FAM83E: variants seen among roughly 807,000 people sequenced by gnomAD.
The protein encoded by FAM83E is scaffolding CK1 anchoring protein E.
A neutral mutation model predicts 34.3 loss-of-function variants in FAM83E; 29 were observed. The ratio of observed to expected loss-of-function variants is 0.85; its 90% confidence interval spans 0.63 to 1.15. FAM83E has a LOEUF of 1.15. Among genes scored for constraint, FAM83E ranks in the 50% most tolerant of loss-of-function variants. The pLI, the probability that FAM83E is intolerant of heterozygous loss-of-function variation, is 0.00. For missense variants in FAM83E, 697 were observed against 685.0 expected (o/e 1.02, Z -0.20); for synonymous variants, 312 against 311.6 (o/e 1.00, Z -0.01).
chr19:48,603,821 C>G lies in FAM83E; in HGVS notation c.849G>C (p.Thr283=). ...IVDAFSLEFR[T]LYAASCPLPP... is the part of the protein sequence containing the mutation. ...GGAGCGGGCAGGAGGCCGCGTACAG[C>G]GTCCGGAACTCAAGGCTGAAGGCGT... Residue 283 remains threonine (T), a synonymous_variant, in exon 6 of 7, where the codon ACG becomes ACC. Transcript: ENST00000263266. The G allele has an allele frequency of 6.2e-7, 1 of 1,605,666 alleles. No individual in the cohort carries two copies. Among genetic ancestry groups the G allele is most frequent in the Non-Finnish European group, 8.5e-7 (1 of 1,176,446 alleles).
In FAM83E at chr19:48,614,989, CG is replaced by C; in HGVS notation, c.-1441del. ...CTCTAGACTCAGGCTTCCCGGTCCC[CG>C]GGGGGTTGAGATTGCCTCACCTGTT... is the stretch of plus-strand genomic sequence containing the variant. On this transcript the variant is annotated 5_prime_UTR_variant, in exon 1 of 7. Coordinates refer to ENST00000263266, the MANE Select transcript of FAM83E (RefSeq NM_017708.4). The C allele has an allele frequency of 1.9e-5, 4 of 205,286 alleles. No individual in the cohort carries two copies. The highest frequency in any genetic ancestry group is 3.6e-5 in the Non-Finnish European group (4 of 109,720). The allele number at this position is 205,286 out of a possible 1,614,324, so 12.7% of individuals were successfully genotyped here.
intron 6 of FAM83E, among the ~76,000 whole-genome samples, chr19:48,602,824 GTTTA>G (rs1454628170): frequency 1.7e-5 from 1 of 58,550 alleles, no homozygotes; most frequent in Non-Finnish European, 3.4e-5. Flanking sequence ...TTTATTTATT[GTTTA>G]TTATTATTAT....
intron 5 of FAM83E, among the ~76,000 whole-genome samples, chr19:48,609,269 T>TC (rs1186410801): frequency 1.4e-5 from 2 of 143,010 alleles, no homozygotes; most frequent in African/African-American, 5.3e-5. Context: ...TTCTTTCTTT[T>TC]TTTTTTTTTT....
chr19:48,603,670 G>T lies in FAM83E; in HGVS notation c.1000C>A (p.His334Asn), dbSNP rs566742854. The change falls in exon 6 of 7, where the codon CAC becomes AAC. Residue 334 changes from histidine to asparagine, a missense_variant. By Grantham distance (68) the His-to-Asn change is moderately conservative. Coordinates refer to ENST00000263266, the MANE Select transcript of FAM83E (RefSeq NM_017708.4). Reference protein sequence around the residue: ...SPPPPDGPLAHRLAACRVSPA... With the variant: ...SPPPPDGPLANRLAACRVSPA... ...GAGACGCGGCAGGCGGCCAGGCGGT[G>T]GGCCAGCGGGCCGTCAGGCGGCGGA... The T allele has an allele frequency of 9.3e-6, 12 of 1,294,658 alleles. No individual in the cohort carries two copies. The African/African-American group carries it at 1.5e-4, about 17-fold the overall frequency. 80.2% of individuals were successfully genotyped at this position (1,294,658 alleles called of 1,614,324 possible).
In FAM83E at chr19:48,613,491, C is replaced by T. The variant is rs905447473; in HGVS notation, c.-119G>A. 1.1e-5 allele frequency: 16 copies of T among 1,429,780 alleles called. No homozygotes were observed. The highest frequency in any genetic ancestry group is 4.3e-5 in the African/African-American group (3 of 69,648). The allele number at this position is 1,429,780 out of a possible 1,614,324, so 88.6% of individuals were successfully genotyped here. ...GATAGGCAGACCCTACGTGGCCATC[C>T]GAGGCCTCCGGCGGGGCCCTGCAGA... On this transcript the variant is annotated 5_prime_UTR_variant, in exon 3 of 7. Coordinates refer to ENST00000263266, the MANE Select transcript of FAM83E (RefSeq NM_017708.4).
At position 48,600,622 on chromosome 19, in the gene FAM83E, C is replaced by T. The variant is rs188288272; in HGVS notation, c.*487G>A. Reference sequence around the variant, plus strand: ...GTGCTGGGATTACAGGAGTGAGCCACCTCGATCAGCCTTTCTTTTTCTTTT... The same window carrying T: ...GTGCTGGGATTACAGGAGTGAGCCATCTCGATCAGCCTTTCTTTTTCTTTT... On this transcript the variant is annotated 3_prime_UTR_variant, in exon 7 of 7. Transcript: ENST00000263266. 2.6e-5 allele frequency among the ~76,000 whole-genome samples: 4 copies of T among 151,646 alleles called. No homozygotes were observed. Among genetic ancestry groups the T allele is most frequent in the African/African-American group, 9.7e-5 (4 of 41,332 alleles).
At chr19:48,607,444 C>A (rs764831492) in intron 5 of FAM83E, 27 of 1,452,922 alleles carry the variant, frequency 1.9e-5, no homozygotes, top group Non-Finnish European at 2.4e-5. Context: ...GCCAGAGAGG[C>A]CCTGGACAAC....
intron 5 of FAM83E, chr19:48,606,776 C>T: frequency 3.2e-6 from 2 of 619,506 alleles, no homozygotes; most frequent in South Asian, 4.2e-5. Flanking sequence ...GCAGCAGCCA[C>T]CCGCTCACCT....
At position 48,603,580 on chromosome 19, in the gene FAM83E, TG is replaced by T; in HGVS notation, c.1089del (p.Ser364AlafsTer14). Reference sequence around the variant, plus strand: ...CGGCTGGGCCGGGCCGGGGGGCCGCTGGGGGTCCGGGCGCGCTGCACACTCC... The same window carrying T: ...CGGCTGGGCCGGGCCGGGGGGCCGCTGGGGTCCGGGCGCGCTGCACACTCC... ...ILRSVQRART[P>X]SGPPARPSRS... On this transcript the variant is annotated frameshift_variant, in exon 6 of 7. Transcript: ENST00000263266. LOFTEE classifies it high-confidence loss of function. 6.4e-7 allele frequency: 1 copy of T among 1,551,998 alleles called. No homozygotes were observed. The highest frequency in any genetic ancestry group is 8.6e-7 in the Non-Finnish European group (1 of 1,158,290).
rs1011490033 is a variant in FAM83E at position 48,601,471 on chromosome 19, A to G, written c.1177-102T>C. The stretch of plus-strand genomic sequence containing the variant: ...GAGGTGAGGCAAGAGAGAAGCAGCG[A>G]AAGTGACAGACGGCCAGGCACGGTG... On this transcript the variant is annotated intron_variant, in intron 6 of 6. Coordinates refer to ENST00000263266, the MANE Select transcript of FAM83E (RefSeq NM_017708.4). 6 of 1,488,380 alleles carry G rather than the reference A, an allele frequency of 4.0e-6. No individual in the cohort carries two copies. The East Asian group carries it at 1.2e-4, about 31-fold the overall frequency. 92.2% of individuals were successfully genotyped at this position (1,488,380 alleles called of 1,614,324 possible).
At chr19:48,606,862 A>T (rs888481064) in intron 5 of FAM83E, 1 of 1,329,788 alleles carries the variant, frequency 7.5e-7, no homozygotes, top group African/African-American at 1.5e-5. Flanking sequence ...GGAGGCCAGG[A>T]CCAGGGCCAA....
intron 5 of FAM83E, among the ~76,000 whole-genome samples, chr19:48,606,420 C>G (rs1310970862): frequency 6.6e-6 from 1 of 151,558 alleles, no homozygotes; most frequent in Admixed American, 6.6e-5. Context: ...ATGAACCTGG[C>G]TCTCATCCTG....
Position 48,601,379 on chromosome 19 carries a change from G to C in FAM83E, c.1177-10C>G. On this transcript the variant is annotated splice_polypyrimidine_tract_variant and intron_variant, in intron 6 of 6. Coordinates refer to ENST00000263266, the MANE Select transcript of FAM83E (RefSeq NM_017708.4). ...CCCAGGATTTCTTGAGCTGTGGAGGGAAAGAGAGGGAGGTGAGAGGAGGCT... is the reference window on the plus strand; with the variant it reads ...CCCAGGATTTCTTGAGCTGTGGAGGCAAAGAGAGGGAGGTGAGAGGAGGCT... 1.5e-5 allele frequency: 23 copies of C among 1,558,966 alleles called. No homozygotes were observed. The highest frequency in any genetic ancestry group is 1.9e-5 in the Admixed American group (1 of 51,658).
chr19:48,603,435 T>C (rs938301086), intron 6 of FAM83E, 59 bp downstream of exon 6: 6 of 1,443,140 alleles, frequency 4.2e-6, no homozygotes, highest in Non-Finnish European at 4.5e-6. Context: ...TGCACCACCC[T>C]GGGCAAACGC....
Position 48,609,971 on chromosome 19 carries a change from G to GC in FAM83E, c.662dup (p.Cys221TrpfsTer38). ...GCCGTCGCCAGCGGCTCTGGAAGCT[G>GC]CAGCCCCGCACGACACGGACATCCA... On this transcript the variant is annotated frameshift_variant, in exon 5 of 7. Coordinates refer to ENST00000263266, the MANE Select transcript of FAM83E (RefSeq NM_017708.4). LOFTEE classifies it high-confidence loss of function. 1 of 1,612,808 alleles carries GC rather than the reference G, an allele frequency of 6.2e-7. No homozygotes were observed. The highest frequency in any genetic ancestry group is 1.1e-5 in the South Asian group (1 of 91,072).
At position 48,601,050 on chromosome 19, in the gene FAM83E, C is replaced by A; in HGVS notation, c.*59G>T. On this transcript the variant is annotated 3_prime_UTR_variant, in exon 7 of 7. Coordinates refer to ENST00000263266, the MANE Select transcript of FAM83E (RefSeq NM_017708.4). ...GGGCATTGAGGCAGAGGGCTCTGAG[C>A]CGACAGTTGTCCGGCACTGCTCCTT... 1.3e-6 allele frequency: 2 copies of A among 1,545,868 alleles called. No homozygotes were observed. Among genetic ancestry groups the A allele is most frequent in the Non-Finnish European group, 1.7e-6 (2 of 1,148,104 alleles).
chr19:48,612,976 G>T lies in FAM83E; in HGVS notation c.397C>A (p.Gln133Lys). The T allele has an allele frequency of 6.2e-7, 1 of 1,602,076 alleles. No homozygotes were observed. The highest frequency in any genetic ancestry group is 1.1e-5 in the South Asian group (1 of 89,280). The change falls in exon 3 of 7, where the codon CAG becomes AAG. Residue 133 changes from glutamine to lysine, a missense_variant. Physicochemically the swap from Gln to Lys is moderately conservative, Grantham distance 53. Transcript: ENST00000263266. ...GGCGGCTGACCCTCTCCAGGAGGCTGGGTGTACAGCTGCGCCCGGGTGATG... is the reference window on the plus strand; with the variant it reads ...GGCGGCTGACCCTCTCCAGGAGGCTTGGTGTACAGCTGCGCCCGGGTGATG... ...KGITRAQLYT[Q>K]PPGEGQPPLK...
At chr19:48,605,078 C>T (rs572154146) in intron 5 of FAM83E, among the ~76,000 whole-genome samples, 10 of 151,526 alleles carry the variant, frequency 6.6e-5, no homozygotes, top group African/African-American at 2.4e-4. Flanking sequence ...TAAACCCAGG[C>T]TCTGCCTGGT....
At chr19:48,610,313 C>A (rs1464476358) in intron 4 of FAM83E, among the ~76,000 whole-genome samples, 1 of 137,880 alleles carries the variant, frequency 7.3e-6, no homozygotes, top group Non-Finnish European at 1.5e-5. Context: ...GCAGGAGAAT[C>A]GTTTGAACCC....
Sources: allele counts gnomAD v4.1 joint callset (sites outside exome capture counted in the v4.1 genomes callset), GRCh38; gene constraint gnomAD v4.1.1; transcripts MANE v1.5; gene names NCBI Gene and HGNC (gene_info 2026-07-23, HGNC 2026-07-21).